CACNG2: variants seen among roughly 807,000 people sequenced by gnomAD.
CACNG2 encodes the protein voltage-dependent calcium channel gamma-2 subunit.
In CACNG2, 3 loss-of-function variants were observed where a neutral mutation model predicts 25.9. That is an observed-to-expected ratio of 0.12 (90% CI 0.05 to 0.30). The LOEUF (loss-of-function observed/expected upper bound fraction) is 0.30, where lower values mean the gene tolerates loss of function less well. Ranked by LOEUF, CACNG2 falls within the 10% of genes least tolerant of loss-of-function variation. The probability of loss-of-function intolerance (pLI) is 1.00; values close to 1 mark genes in which losing one functional copy is unlikely to be tolerated. For missense variants in CACNG2, 341 were observed against 432.5 expected (o/e 0.79, Z 1.88); for synonymous variants, 167 against 173.3 (o/e 0.96, Z 0.29).
chr22:36,659,912 A>G (rs920625953), intron 1 of CACNG2, among the ~76,000 whole-genome samples: 2 of 151,606 alleles, frequency 1.3e-5, no homozygotes, highest in Admixed American at 1.3e-4. Flanking sequence ...GAAGAGCCTG[A>G]CTCATTCGCC....
At chr22:36,676,918 T>TG (rs1034791218) in intron 1 of CACNG2, among the ~76,000 whole-genome samples, 8 of 135,062 alleles carry the variant, frequency 5.9e-5, no homozygotes, top group Admixed American at 2.2e-4. Flanking sequence ...CCTCTCTTTC[T>TG]GCTTCTTCTA....
chr22:36,620,091 T>TAC (rs149716396), intron 1 of CACNG2, among the ~76,000 whole-genome samples: 47 of 151,644 alleles, frequency 3.1e-4, no homozygotes, highest in South Asian at 6.3e-4. Context: ...AGCATGTGCA[T>TAC]ACACACACAC....
intron 1 of CACNG2, among the ~76,000 whole-genome samples, chr22:36,617,642 C>A (rs189551610): frequency 6.8e-6 from 1 of 146,794 alleles, no homozygotes; most frequent in Non-Finnish European, 1.5e-5. Flanking sequence ...AGTAGGCAGT[C>A]AATAAAACAT....
chr22:36,621,189 G>A (rs1936097964), intron 1 of CACNG2, among the ~76,000 whole-genome samples: 1 of 152,190 alleles, frequency 6.6e-6, no homozygotes, highest in Non-Finnish European at 1.5e-5. Context: ...CATCCCTAAT[G>A]TCCATAGGTC....
intron 1 of CACNG2, among the ~76,000 whole-genome samples, chr22:36,690,178 G>A (rs1222971494): frequency 6.6e-6 from 1 of 152,188 alleles, no homozygotes; most frequent in Non-Finnish European, 1.5e-5. Flanking sequence ...CGCCTACAGA[G>A]GCCGGGAAAC....
intron 1 of CACNG2, among the ~76,000 whole-genome samples, chr22:36,594,547 G>A (rs1312333385): frequency 6.6e-6 from 1 of 152,180 alleles, no homozygotes; most frequent in Non-Finnish European, 1.5e-5. Flanking sequence ...CGTGTCTGGG[G>A]CACACAGATG....
intron 1 of CACNG2, among the ~76,000 whole-genome samples, chr22:36,624,719 A>G (rs958175516): frequency 6.6e-6 from 1 of 152,038 alleles, no homozygotes; most frequent in Non-Finnish European, 1.5e-5. Context: ...CTGGGGTGAG[A>G]GACCCTCTTG....
chr22:36,655,815 T>C (rs1389736046), intron 1 of CACNG2, among the ~76,000 whole-genome samples: 3 of 151,192 alleles, frequency 2.0e-5, no homozygotes, highest in Non-Finnish European at 4.4e-5. Flanking sequence ...TTCTTTCTTT[T>C]TTTTTTTTTG....
intron 1 of CACNG2, among the ~76,000 whole-genome samples, chr22:36,611,509 C>T (rs1419631517): frequency 6.6e-6 from 1 of 152,220 alleles, no homozygotes; most frequent in South Asian, 2.1e-4. Context: ...TGGTAAACAG[C>T]TGTGTTTGTG....
At chr22:36,588,407 G>A (rs775516537) in intron 1 of CACNG2, among the ~76,000 whole-genome samples, 37 of 152,174 alleles carry the variant, frequency 2.4e-4, no homozygotes, top group Non-Finnish European at 4.3e-4. Flanking sequence ...TGATGAGCAC[G>A]TGAACTCTTG....
rs368563770 is a variant in CACNG2, at chr22:36,563,236, C to G, written c.*1115G>C. Among the ~76,000 whole-genome samples, 1 of 152,070 alleles carries G rather than the reference C, an allele frequency of 6.6e-6. No homozygotes were observed. Among genetic ancestry groups the G allele is most frequent in the East Asian group, 1.9e-4 (1 of 5,176 alleles). On this transcript the variant is annotated 3_prime_UTR_variant, in exon 4 of 4. Transcript: ENST00000300105. ...AGGGGGCATCAGTGAGTCCAAGGAC[C>G]CCCAAAGGGTCAATGAACCCCCTTC...
intron 1 of CACNG2, among the ~76,000 whole-genome samples, chr22:36,616,138 G>C (rs1176400498): frequency 6.6e-6 from 1 of 152,050 alleles, no homozygotes; most frequent in South Asian, 2.1e-4. Context: ...TTGTTGCCCT[G>C]GTGTCCTCAT....
chr22:36,637,644 G>A (rs931305002), intron 1 of CACNG2, among the ~76,000 whole-genome samples: 30 of 152,112 alleles, frequency 2.0e-4, no homozygotes, highest in Admixed American at 2.6e-4. Flanking sequence ...TTATTTTCCA[G>A]TTGAAGAAAC....
At chr22:36,677,062 C>T (rs79116718) in intron 1 of CACNG2, among the ~76,000 whole-genome samples, 3,716 of 152,034 alleles carry the variant, frequency 0.024, 81 homozygotes, top group African/African-American at 0.044. Flanking sequence ...TTCTAACAAT[C>T]TTACAGTATC....
At chr22:36,694,115 G>A (rs1340176957) in intron 1 of CACNG2, among the ~76,000 whole-genome samples, 2 of 152,226 alleles carry the variant, frequency 1.3e-5, no homozygotes, top group Non-Finnish European at 2.9e-5. Context: ...GCTGCATGCT[G>A]GAGAAATCCT....
chr22:36,601,424 C>T (rs1935752186), intron 1 of CACNG2, among the ~76,000 whole-genome samples: 1 of 152,160 alleles, frequency 6.6e-6, no homozygotes, highest in African/African-American at 2.4e-5. Context: ...TGATGGACAT[C>T]TAGATTGTTT....
Position 36,587,671 on chromosome 22 carries a change from A to C in CACNG2, c.212-123T>G, listed in dbSNP as rs926645157. The C allele has an allele frequency of 1.4e-5, 11 of 777,710 alleles. No individual in the cohort carries two copies. In the Admixed American group the frequency reaches 1.9e-4, roughly 14 times the overall value. The allele number at this position is 777,710 out of a possible 1,614,324, so 48.2% of individuals were successfully genotyped here. On this transcript the variant is annotated intron_variant, in intron 1 of 3. Transcript: ENST00000300105. ...CACTCAGCCCTCTCCCTCACCCCTGAAGGAAGGTTTCGCTTTGTCCGTTTG... is the reference window on the plus strand; with the variant it reads ...CACTCAGCCCTCTCCCTCACCCCTGCAGGAAGGTTTCGCTTTGTCCGTTTG...
intron 1 of CACNG2, among the ~76,000 whole-genome samples, chr22:36,588,787 T>C (rs764375127): frequency 7.2e-5 from 11 of 152,290 alleles, no homozygotes; most frequent in Non-Finnish European, 1.3e-4. Flanking sequence ...CTTGGGGGCA[T>C]TGACGTGAGA....
intron 2 of CACNG2, among the ~76,000 whole-genome samples, chr22:36,583,499 A>T (rs560838859): frequency 6.6e-6 from 1 of 152,150 alleles, no homozygotes; most frequent in Non-Finnish European, 1.5e-5. Context: ...AACAAGCCCC[A>T]AGTCCCTTAG....
Sources: gnomAD v4.1 joint callset for allele counts (sites outside exome capture counted in the v4.1 genomes callset) on GRCh38, gnomAD v4.1.1 for gene constraint, MANE v1.5 for transcripts, NCBI Gene and HGNC (gene_info 2026-07-23, HGNC 2026-07-21) for gene names.